The following ASCC3 variants were observed in gnomAD, a reference collection of about 807,000 sequenced individuals.
ASCC3 encodes activating signal cointegrator 1 complex subunit 3.
Under a neutral mutation model 256.3 loss-of-function variants are expected in ASCC3, and 158 were observed. The ratio of observed to expected loss-of-function variants is 0.62; its 90% CI spans 0.54 to 0.70. The LOEUF (loss-of-function observed/expected upper bound fraction) is 0.70, where lower values mean the gene tolerates loss of function less well. ASCC3 is among the 30% of genes least tolerant of loss of function. ASCC3 has a pLI of 0.00. For synonymous variants in ASCC3, 948 were observed against 883.4 expected, an observed-to-expected ratio of 1.07 and a Z score of -1.30; for missense variants, 2,259 against 2,626.0, an observed-to-expected ratio of 0.86 and a Z score of 3.05.
chr6:100,597,336 G>A (rs1772351420), intron 34 of ASCC3, among the ~76,000 whole-genome samples: 1 of 151,764 alleles, frequency 6.6e-6, no homozygotes, highest in South Asian at 2.1e-4. Context: ...AGTGGTGCCT[G>A]GAACATAGTA....
intron 10 of ASCC3, among the ~76,000 whole-genome samples, chr6:100,751,793 G>T (rs992149015): frequency 2.0e-5 from 3 of 151,730 alleles, no homozygotes; most frequent in African/African-American, 7.3e-5. Context: ...TAACAGTTAA[G>T]AACCTTAGCA....
intron 8 of ASCC3, among the ~76,000 whole-genome samples, chr6:100,777,836 T>C (rs1283581838): frequency 6.6e-6 from 1 of 152,114 alleles, no homozygotes; most frequent in Admixed American, 6.5e-5. Context: ...AGACGTTGGA[T>C]TTTTGTTCTC....
At chr6:100,835,059 T>G (rs1445112119) in intron 4 of ASCC3, among the ~76,000 whole-genome samples, 2 of 151,274 alleles carry the variant, frequency 1.3e-5, no homozygotes, top group African/African-American at 2.4e-5. Context: ...AATGCATCAG[T>G]GCCTACCCAA....
rs146266550 is a variant in ASCC3, at chr6:100,748,020, G to T, written c.1737+18545C>A. 9.9e-5 allele frequency among the ~76,000 whole-genome samples: 15 copies of T among 151,894 alleles called. No individual in the cohort carries two copies. In the East Asian group the frequency reaches 2.9e-3, roughly 29 times the overall value. The stretch of plus-strand genomic sequence containing the variant: ...GCTTTTATCCTCTTATTTAGAAAAA[G>T]GATAAAATTTAAAATAAGAGCCTTC... On this transcript the variant is annotated intron_variant, in intron 10 of 41. Coordinates refer to ENST00000369162, the MANE Select transcript of ASCC3 (RefSeq NM_006828.4).
Position 100,606,872 on chromosome 6 carries a change from A to G in ASCC3, c.4924-12T>C, listed in dbSNP as rs1379278009. 1 of 1,610,528 alleles carries G rather than the reference A, an allele frequency of 6.2e-7. No individual in the cohort carries two copies. The highest frequency in any genetic ancestry group is 1.3e-5 in the African/African-American group (1 of 74,760). On this transcript the variant is annotated splice_polypyrimidine_tract_variant and intron_variant, in intron 31 of 41. Coordinates refer to ENST00000369162, the MANE Select transcript of ASCC3 (RefSeq NM_006828.4). ...GTAGCAATAAGAACCTAAAAAGCAA[A>G]ATAAAATATCTTATATCTAAGTAAA...
intron 24 of ASCC3, among the ~76,000 whole-genome samples, chr6:100,640,996 T>C (rs1253585277): frequency 6.6e-6 from 1 of 152,170 alleles, no homozygotes; most frequent in East Asian, 1.9e-4. Flanking sequence ...AGAAAAAATA[T>C]GGACTTTCAT....
chr6:100,567,185 C>T (rs192706823), intron 36 of ASCC3, among the ~76,000 whole-genome samples: 178 of 152,192 alleles, frequency 1.2e-3, no homozygotes, highest in South Asian at 6.2e-4. Context: ...AATTCCACCA[C>T]TCAGAGATGA....
intron 8 of ASCC3, among the ~76,000 whole-genome samples, chr6:100,771,252 A>T (rs1781904932): frequency 6.6e-6 from 1 of 152,164 alleles, no homozygotes; most frequent in African/African-American, 2.4e-5. Context: ...TTGAAACCAT[A>T]CCTTGTGTCA....
chr6:100,554,472 G>A (rs934754131), intron 36 of ASCC3, among the ~76,000 whole-genome samples: 2 of 152,152 alleles, frequency 1.3e-5, no homozygotes. Context: ...TTGTACAGTG[G>A]GGATGGCAGC....
chr6:100,753,497 CTT>C (rs67034154), intron 10 of ASCC3, among the ~76,000 whole-genome samples: 2 of 75,984 alleles, frequency 2.6e-5, no homozygotes. Context: ...AACAGGTGCC[CTT>C]TTTTTTTTTA....
intron 18 of ASCC3, 34 bp downstream of exon 18, chr6:100,652,691 T>A (rs1199804874): frequency 2.5e-6 from 4 of 1,592,172 alleles, no homozygotes; most frequent in Admixed American, 3.3e-5. Context: ...AGTATTTGCA[T>A]CTAAAATCAA....
chr6:100,584,672 C>T (rs1433091983), intron 36 of ASCC3, among the ~76,000 whole-genome samples: 1 of 151,696 alleles, frequency 6.6e-6, no homozygotes, highest in African/African-American at 2.4e-5. Flanking sequence ...CAGTTTCTTC[C>T]TAGTCTCGAT....
chr6:100,827,913 C>T (rs1387071158), intron 4 of ASCC3, among the ~76,000 whole-genome samples: 3 of 151,624 alleles, frequency 2.0e-5, no homozygotes, highest in Non-Finnish European at 2.9e-5. Context: ...GAATGAACAA[C>T]AAAAATTTTA....
In ASCC3 at chr6:100,881,184, G is replaced by C. The variant is rs977835955; in HGVS notation, c.-165C>G. On this transcript the variant is annotated 5_prime_UTR_variant, in exon 1 of 42. Transcript: ENST00000369162. ...GAGCTGAGCGCAGGGCCAAAGATGCGAGCGGGCAGCTGTATCGCCGCGCCC... is the reference window on the plus strand; with the variant it reads ...GAGCTGAGCGCAGGGCCAAAGATGCCAGCGGGCAGCTGTATCGCCGCGCCC... The C allele has an allele frequency of 6.6e-6, 1 of 152,302 alleles. No homozygotes were observed. The highest frequency in any genetic ancestry group is 2.1e-4 in the South Asian group (1 of 4,834). The allele number at this position is 152,302 out of a possible 1,614,324, so 9.4% of individuals were successfully genotyped here.
chr6:100,756,929 A>G (rs1266051553), intron 10 of ASCC3, among the ~76,000 whole-genome samples: 1 of 152,166 alleles, frequency 6.6e-6, no homozygotes, highest in Admixed American at 6.6e-5. Flanking sequence ...ACCTATGACG[A>G]AATACATTTT....
intron 36 of ASCC3, among the ~76,000 whole-genome samples, chr6:100,546,008 A>T (rs1404719351): frequency 6.6e-6 from 1 of 152,208 alleles, no homozygotes; most frequent in Non-Finnish European, 1.5e-5. Flanking sequence ...AGTTGACATG[A>T]CCATCAATGT....
chr6:100,638,584 T>A lies in ASCC3; in HGVS notation c.4122+17A>T. The A allele has an allele frequency of 6.4e-7, 1 of 1,566,840 alleles. No homozygotes were observed. Among genetic ancestry groups the A allele is most frequent in the Non-Finnish European group, 8.8e-7 (1 of 1,138,570 alleles). ...TGTCTTTTCTAATTAAATGTAAGTA[T>A]GATTCTTTCAACAGACCTTTGAAGT... On this transcript the variant is annotated intron_variant, in intron 25 of 41. Coordinates refer to ENST00000369162, the MANE Select transcript of ASCC3 (RefSeq NM_006828.4).
intron 32 of ASCC3, 149 bp downstream of exon 32, chr6:100,606,591 A>G: frequency 2.3e-6 from 2 of 866,692 alleles, no homozygotes; most frequent in Non-Finnish European, 3.3e-6. Flanking sequence ...TTTAACTGAA[A>G]ACAAAAAGTC....
intron 4 of ASCC3, among the ~76,000 whole-genome samples, chr6:100,817,990 C>T (rs1156681865): frequency 1.3e-5 from 2 of 152,104 alleles, no homozygotes; most frequent in Admixed American, 6.5e-5. Flanking sequence ...AATATGAACA[C>T]AAAATCCTCA....
Sources: allele counts gnomAD v4.1 joint callset (sites outside exome capture counted in the v4.1 genomes callset), GRCh38; gene constraint gnomAD v4.1.1; transcripts MANE v1.5; gene names NCBI Gene and HGNC (gene_info 2026-07-23, HGNC 2026-07-21).